LAMP1: variants seen among roughly 807,000 people sequenced by gnomAD.
LAMP1 encodes the protein lysosome associated membrane protein 1.
A neutral mutation model predicts 37.5 loss-of-function variants in LAMP1; 7 were observed. That is an observed-to-expected ratio of 0.19 (90% CI 0.11 to 0.35). The LOEUF is 0.35. LAMP1 is among the 10% of genes least tolerant of loss of function. The pLI is 1.00. For missense variants in LAMP1, 537 were observed against 552.8 expected, an observed-to-expected ratio of 0.97 and a Z score of 0.29; for synonymous variants, 236 against 229.1, an observed-to-expected ratio of 1.03 and a Z score of -0.27.
intron 2 of LAMP1, among the ~76,000 whole-genome samples, chr13:113,309,176 C>T (rs1490089712): frequency 1.3e-5 from 2 of 152,048 alleles, no homozygotes; most frequent in Non-Finnish European, 1.5e-5. Flanking sequence ...AGTCGTAGTT[C>T]ACTGCAGCCT....
rs972394340 is a variant in LAMP1 at position 113,320,710 on chromosome 13, G to GA, written c.876+241dup. ...GCCCACAGTTGGAGTGGCTGCAGGG[G>GA]AGGGCATGCAGGCCGTGCGGCCTTC... is the stretch of plus-strand genomic sequence containing the variant. On this transcript the variant is annotated intron_variant, in intron 6 of 8. Coordinates refer to ENST00000332556, the MANE Select transcript of LAMP1 (RefSeq NM_005561.4). This position sits in a 1 kb window ranked among gnomAD's most constrained non-coding sequence, Gnocchi z 4.4. The GA allele has an allele frequency of 1.9e-6, 1 of 524,270 alleles. No homozygotes were observed. The highest frequency in any genetic ancestry group is 1.9e-5 in the African/African-American group (1 of 52,762). The allele number at this position is 524,270 out of a possible 1,614,324, so 32.5% of individuals were successfully genotyped here. A position where few individuals can be genotyped will look rare whatever the true frequency, so the allele number is the denominator to read the frequency against.
rs757490846 is a variant in LAMP1 at position 113,306,562 on chromosome 13, TCTG to T, written c.144_146del (p.Ala49del). On this transcript the variant is annotated inframe_deletion, in exon 2 of 9. Coordinates refer to ENST00000332556, the MANE Select transcript of LAMP1 (RefSeq NM_005561.4). ...GACCGCGTGCATAATGGCCAACTTC[TCTG>T]CTGCCTTCTCAGTGAACTACGACAC... 4 of 1,614,146 alleles carry T rather than the reference TCTG, an allele frequency of 2.5e-6. No individual in the cohort carries two copies. The highest frequency in any genetic ancestry group is 3.4e-6 in the Non-Finnish European group (4 of 1,180,012).
intron 1 of LAMP1, among the ~76,000 whole-genome samples, chr13:113,303,522 CTT>C (rs398056906): frequency 2.0e-4 from 29 of 142,206 alleles, no homozygotes; most frequent in Admixed American, 2.8e-4. Context: ...GGTTTTTTGT[CTT>C]TTTTTTTTTT....
At chr13:113,306,374 A>T in intron 1 of LAMP1, 111 bp from the exon 2 acceptor site, 1 of 1,191,090 alleles carries the variant, frequency 8.4e-7, no homozygotes, top group Non-Finnish European at 1.2e-6. Flanking sequence ...AAAGAGAAAC[A>T]GTGGAATCTT....
At chr13:113,302,898 C>A (rs372893323) in intron 1 of LAMP1, among the ~76,000 whole-genome samples, 5 of 152,222 alleles carry the variant, frequency 3.3e-5, no homozygotes, top group Non-Finnish European at 5.9e-5. Context: ...ATGCCTTAAT[C>A]TCCCTATGAA....
At chr13:113,298,589 C>T (rs927928481) in intron 1 of LAMP1, among the ~76,000 whole-genome samples, 2 of 152,158 alleles carry the variant, frequency 1.3e-5, no homozygotes, top group African/African-American at 4.8e-5. Context: ...AACTCTGTTA[C>T]TGTGAGTGAA....
At chr13:113,316,421 ATTT>A (rs11358802) in intron 4 of LAMP1, among the ~76,000 whole-genome samples, 48 of 115,854 alleles carry the variant, frequency 4.1e-4, no homozygotes, top group Admixed American at 5.3e-4. Flanking sequence ...ATTTGGCATG[ATTT>A]TTTTTTTTTT....
intron 4 of LAMP1, among the ~76,000 whole-genome samples, chr13:113,312,475 T>C (rs2042635575): frequency 6.6e-6 from 1 of 152,198 alleles, no homozygotes; most frequent in Non-Finnish European, 1.5e-5. Flanking sequence ...TCTGTAGCTT[T>C]GCGGCAGACT....
At chr13:113,303,998 T>C (rs1471545488) in intron 1 of LAMP1, among the ~76,000 whole-genome samples, 1 of 152,074 alleles carries the variant, frequency 6.6e-6, no homozygotes, top group Non-Finnish European at 1.5e-5. Flanking sequence ...GGCACGAGAA[T>C]CGCTTGAACC....
At chr13:113,300,501 A>AG (rs1361794321) in intron 1 of LAMP1, among the ~76,000 whole-genome samples, 18 of 150,138 alleles carry the variant, frequency 1.2e-4, no homozygotes, top group African/African-American at 4.0e-4. Context: ...AAAAAAAAAA[A>AG]AAAAGAAAAA....
At chr13:113,299,057 T>C (rs970877472) in intron 1 of LAMP1, among the ~76,000 whole-genome samples, 1 of 152,052 alleles carries the variant, frequency 6.6e-6, no homozygotes, top group Non-Finnish European at 1.5e-5. Flanking sequence ...GAAGAATTGC[T>C]TGAACCCGGG....
chr13:113,303,755 A>G (rs2139357840), intron 1 of LAMP1, among the ~76,000 whole-genome samples: 1 of 152,334 alleles, frequency 6.6e-6, no homozygotes, highest in Non-Finnish European at 1.5e-5. Context: ...AAATTTATTT[A>G]AATGATATTT....
intron 4 of LAMP1, among the ~76,000 whole-genome samples, chr13:113,315,795 G>T (rs1192142933): frequency 1.3e-5 from 2 of 151,858 alleles, no homozygotes; most frequent in African/African-American, 4.8e-5. Context: ...CTTCCTTCCT[G>T]AGTATCTTCA....
rs758155412 is a variant in LAMP1 at position 113,322,371 on chromosome 13, G to A, written c.1204G>A (p.Ala402Thr). 2.0e-5 allele frequency: 32 copies of A among 1,602,936 alleles called. No individual in the cohort carries two copies. The highest frequency in any genetic ancestry group is 5.4e-5 in the African/African-American group (4 of 74,590). ...LAGLVLIVLI[A>T]YLVGRKRSHA... ...GGGGCTGGTCCTCATCGTCCTCATC[G>A]CCTACCTCGTCGGCAGGAAGAGGAG... Residue 402 changes from alanine to threonine, a missense_variant, in exon 9 of 9, where the codon GCC becomes ACC. Ala to Thr is a moderately conservative substitution (Grantham distance 58). Coordinates refer to ENST00000332556, the MANE Select transcript of LAMP1 (RefSeq NM_005561.4).
Position 113,322,585 on chromosome 13 carries a change from T to A in LAMP1, c.*164T>A, listed in dbSNP as rs1245351814. On this transcript the variant is annotated 3_prime_UTR_variant, in exon 9 of 9. Transcript: ENST00000332556. ...TTTACTATGCACAACAGAGTAACTA[T>A]CGAAATGACGGTGTTAATTTTGCTA... The A allele has an allele frequency of 1.3e-5, 7 of 554,256 alleles. No homozygotes were observed. The highest frequency in any genetic ancestry group is 1.9e-5 in the African/African-American group (1 of 51,462). The allele number at this position is 554,256 out of a possible 1,614,324, so 34.3% of individuals were successfully genotyped here.
chr13:113,299,527 T>C (rs2042559473), intron 1 of LAMP1, among the ~76,000 whole-genome samples: 1 of 151,556 alleles, frequency 6.6e-6, no homozygotes, highest in Non-Finnish European at 1.5e-5. Context: ...CCTCCCAAAG[T>C]GCTGGGAGTA....
intron 4 of LAMP1, among the ~76,000 whole-genome samples, chr13:113,311,616 G>A (rs1201119376): frequency 6.6e-6 from 1 of 152,206 alleles, no homozygotes; most frequent in Non-Finnish European, 1.5e-5. Context: ...GGTCAGGGCT[G>A]CGATGATGTA....
chr13:113,306,220 G>T, intron 1 of LAMP1: 1 of 266,884 alleles, frequency 3.7e-6, no homozygotes, highest in Non-Finnish European at 7.3e-6. Flanking sequence ...AGCTGGGTTT[G>T]GTGGCACGTG....
chr13:113,309,112 TTTTG>T (rs2042615718), intron 2 of LAMP1, among the ~76,000 whole-genome samples: 1 of 152,200 alleles, frequency 6.6e-6, no homozygotes, highest in African/African-American at 2.4e-5. Flanking sequence ...GGTTGTTTTG[TTTTG>T]TTTGGAGACA....
Sources: allele counts gnomAD v4.1 joint callset (sites outside exome capture counted in the v4.1 genomes callset), GRCh38; gene constraint gnomAD v4.1.1; non-coding constraint Gnocchi (gnomAD v3.1); transcripts MANE v1.5; gene names NCBI Gene and HGNC (gene_info 2026-07-23, HGNC 2026-07-21).